SCEL: variants seen among roughly 807,000 people sequenced by gnomAD.
SCEL encodes sciellin.
Under a neutral mutation model 117.6 loss-of-function variants are expected in SCEL, and 113 were observed. The ratio of observed to expected loss-of-function variants is 0.96; its 90% CI spans 0.83 to 1.12. The LOEUF (loss-of-function observed/expected upper bound fraction) is 1.12. SCEL is among the 50% of genes most tolerant of loss of function. SCEL has a pLI of 0.00. For synonymous variants in SCEL, 270 were observed against 256.2 expected, an observed-to-expected ratio of 1.05 and a Z score of -0.51; for missense variants, 785 against 810.8, an observed-to-expected ratio of 0.97 and a Z score of 0.39.
At chr13:77,582,297 G>C (rs1340969942) in intron 9 of SCEL, among the ~76,000 whole-genome samples, 1 of 152,018 alleles carries the variant, frequency 6.6e-6, no homozygotes, top group Non-Finnish European at 1.5e-5. Flanking sequence ...TGTGATCTCG[G>C]CTCACTGCAA....
In SCEL at chr13:77,550,048, A is replaced by G. The variant is rs528373246; in HGVS notation, c.-19-5809A>G. 1.1e-4 allele frequency among the ~76,000 whole-genome samples: 16 copies of G among 149,700 alleles called. No homozygotes were observed. The East Asian group carries it at 3.1e-3, about 29-fold the overall frequency. ...TTAGTTGAGATATAATTTACATGCCATAAAATTCACCATTTTAAAGTGTAA... is the reference window on the plus strand; with the variant it reads ...TTAGTTGAGATATAATTTACATGCCGTAAAATTCACCATTTTAAAGTGTAA... On this transcript the variant is annotated intron_variant, in intron 1 of 32. Coordinates refer to ENST00000349847, the MANE Select transcript of SCEL (RefSeq NM_144777.3).
chr13:77,592,757 A>C (rs367706307), intron 11 of SCEL, among the ~76,000 whole-genome samples: 1 of 151,820 alleles, frequency 6.6e-6, no homozygotes, highest in South Asian at 2.1e-4. Context: ...GGAGATGGGG[A>C]TCTCCCTTTG....
intron 5 of SCEL, 67 bp from the exon 6 acceptor site, chr13:77,567,613 A>G (rs1325658328): frequency 9.1e-7 from 1 of 1,095,208 alleles, no homozygotes; most frequent in Non-Finnish European, 1.4e-6. Context: ...TCTAGCATGA[A>G]AATGGTCTGA....
rs1162121690 is a variant in SCEL, at chr13:77,572,200, G to T, written c.545+11G>T. 2.5e-6 allele frequency: 4 copies of T among 1,595,368 alleles called. No homozygotes were observed. The highest frequency in any genetic ancestry group is 2.6e-6 in the Non-Finnish European group (3 of 1,164,274). ...AGGAACCAGGAGACGGTAAGGGAAA[G>T]GTGTCAGGCGTAATTGCTGTGCCAT... On this transcript the variant is annotated intron_variant, in intron 9 of 32. Transcript: ENST00000349847.
chr13:77,582,022 T>C (rs1028220460), intron 9 of SCEL, among the ~76,000 whole-genome samples: 1 of 151,932 alleles, frequency 6.6e-6, no homozygotes, highest in African/African-American at 2.4e-5. Context: ...GAGAGGACAA[T>C]GGGAGTGGGG....
intron 9 of SCEL, among the ~76,000 whole-genome samples, chr13:77,584,116 G>A (rs532162626): frequency 6.6e-6 from 1 of 152,292 alleles, no homozygotes; most frequent in South Asian, 2.1e-4. Flanking sequence ...CTTAAACATC[G>A]CATCTCAAAG....
At chr13:77,554,864 T>G (rs1375622612) in intron 1 of SCEL, among the ~76,000 whole-genome samples, 1 of 152,048 alleles carries the variant, frequency 6.6e-6, no homozygotes, top group Non-Finnish European at 1.5e-5. Context: ...AAGGACATAA[T>G]ACCCCACCTA....
intron 15 of SCEL, chr13:77,600,041 A>G (rs1387749947): frequency 2.7e-6 from 1 of 363,648 alleles, no homozygotes. Context: ...AAGAAACACA[A>G]CTAGCTGTTA....
At chr13:77,537,558 G>A (rs577661643) in intron 1 of SCEL, among the ~76,000 whole-genome samples, 49 of 152,274 alleles carry the variant, frequency 3.2e-4, no homozygotes, top group Admixed American at 2.7e-3. Context: ...CAGTGTTGCC[G>A]TTTATTATAT....
intron 1 of SCEL, among the ~76,000 whole-genome samples, chr13:77,552,001 A>T (rs2084359270): frequency 6.6e-6 from 1 of 151,650 alleles, no homozygotes; most frequent in South Asian, 2.1e-4. Flanking sequence ...AATTTCATCC[A>T]TGTCCCTACA....
intron 1 of SCEL, among the ~76,000 whole-genome samples, chr13:77,548,165 A>G (rs1364146827): frequency 6.6e-6 from 1 of 152,228 alleles, no homozygotes; most frequent in East Asian, 1.9e-4. Flanking sequence ...TTTACAAAGC[A>G]TTATCTCATT....
At chr13:77,602,170 G>T in intron 16 of SCEL, 46 bp downstream of exon 16, 2 of 1,515,528 alleles carry the variant, frequency 1.3e-6, no homozygotes, top group Non-Finnish European at 1.8e-6. Flanking sequence ...ATTCAGGTTA[G>T]CTTTTTTACC....
chr13:77,571,731 AGAG>A (rs1163290193), intron 8 of SCEL, among the ~76,000 whole-genome samples: 3 of 146,870 alleles, frequency 2.0e-5, no homozygotes, highest in South Asian at 2.2e-4. Flanking sequence ...ATATATATAT[AGAG>A]TAGAGTATAA....
chr13:77,600,222 G>A (rs900059109), intron 15 of SCEL, among the ~76,000 whole-genome samples: 3 of 152,134 alleles, frequency 2.0e-5, no homozygotes, highest in East Asian at 3.9e-4. Context: ...ACCGCCTCCC[G>A]GGTTCAAGTG....
rs538483245 is a variant in SCEL, at chr13:77,626,306, C to G, written c.1629-1641C>G. Among the ~76,000 whole-genome samples, 273 of 152,258 alleles carry G rather than the reference C, an allele frequency of 1.8e-3. 1 individual carries two copies. Among genetic ancestry groups the G allele is most frequent in the African/African-American group, 6.4e-3 (264 of 41,550 alleles). The stretch of plus-strand genomic sequence containing the variant: ...TTCAATTATCTACACCTGGCTCCAC[C>G]CTTGACACATAGGGATTATTACAAT... On this transcript the variant is annotated intron_variant, in intron 27 of 32. Transcript: ENST00000349847.
At chr13:77,591,486 T>C (rs2154400175) in intron 11 of SCEL, 26 bp downstream of exon 11, 5 of 1,277,754 alleles carry the variant, frequency 3.9e-6, no homozygotes, top group Non-Finnish European at 5.7e-6. Flanking sequence ...TTTATATCTA[T>C]GTAACTGTAG....
At chr13:77,599,574 C>A in intron 14 of SCEL, 115 bp from the exon 15 acceptor site, 2 of 930,060 alleles carry the variant, frequency 2.2e-6, no homozygotes, top group Non-Finnish European at 3.5e-6. Context: ...CTCTTCCATT[C>A]AATAAGAGTA....
intron 1 of SCEL, among the ~76,000 whole-genome samples, chr13:77,545,223 A>G (rs2083922834): frequency 6.6e-6 from 1 of 152,230 alleles, no homozygotes; most frequent in Non-Finnish European, 1.5e-5. Context: ...TTTTGTGAGA[A>G]GCTAAAAACT....
At chr13:77,627,085 C>G (rs1029743774) in intron 27 of SCEL, among the ~76,000 whole-genome samples, 1 of 152,116 alleles carries the variant, frequency 6.6e-6, no homozygotes, top group African/African-American at 2.4e-5. Context: ...TTTCTTCCCC[C>G]ACATAATGAA....
Sources: gnomAD v4.1 joint callset for allele counts (sites outside exome capture counted in the v4.1 genomes callset) on GRCh38, gnomAD v4.1.1 for gene constraint, MANE v1.5 for transcripts, NCBI Gene and HGNC (gene_info 2026-07-23, HGNC 2026-07-21) for gene names.